Variants in LDB2 observed in about 807,000 individuals in gnomAD.
The protein encoded by LDB2 is LIM domain binding 2, also known as LIM domain-binding protein 2.
Under a neutral mutation model 44.3 loss-of-function variants are expected in LDB2, and 12 were observed. The ratio of observed to expected loss-of-function variants is 0.27; its 90% confidence interval spans 0.17 to 0.44. The LOEUF (loss-of-function observed/expected upper bound fraction) is 0.44. Among genes scored for constraint, LDB2 ranks in the 20% least tolerant of loss-of-function variants. The pLI is 1.00. For missense variants in LDB2, 344 were observed against 473.5 expected, an observed-to-expected ratio of 0.73 and a Z score of 2.54; for synonymous variants, 164 against 174.8, an observed-to-expected ratio of 0.94 and a Z score of 0.49.
intron 5 of LDB2, among the ~76,000 whole-genome samples, chr4:16,559,579 AC>A (rs902024369): frequency 2.0e-4 from 31 of 152,304 alleles, no homozygotes; most frequent in Admixed American, 1.8e-3. Context: ...GTCCTTAGTG[AC>A]CTACAAAGAG....
At chr4:16,576,882 T>C (rs1005997537) in intron 5 of LDB2, among the ~76,000 whole-genome samples, 77 of 152,272 alleles carry the variant, frequency 5.1e-4, no homozygotes, top group African/African-American at 1.7e-3. Context: ...AGATCATTTG[T>C]CATGACCAAG....
chr4:16,716,518 A>G (rs1444928599), intron 2 of LDB2, among the ~76,000 whole-genome samples: 1 of 152,226 alleles, frequency 6.6e-6, no homozygotes, highest in Non-Finnish European at 1.5e-5. Flanking sequence ...GCTTTAGTAT[A>G]TGAGGCCTTA....
intron 1 of LDB2, among the ~76,000 whole-genome samples, chr4:16,762,587 C>T (rs1017753287): frequency 2.0e-5 from 3 of 152,210 alleles, no homozygotes; most frequent in East Asian, 1.9e-4. Flanking sequence ...TGAGAACTAA[C>T]GCACTATCAC....
chr4:16,897,186 T>A (rs577302720), intron 1 of LDB2, among the ~76,000 whole-genome samples: 2 of 152,316 alleles, frequency 1.3e-5, no homozygotes, highest in East Asian at 3.9e-4. Flanking sequence ...CTGTGTTTTA[T>A]CCCATAGCAC....
chr4:16,626,546 G>A (rs989213061), intron 2 of LDB2, among the ~76,000 whole-genome samples: 1 of 152,096 alleles, frequency 6.6e-6, no homozygotes, highest in Admixed American at 6.5e-5. Flanking sequence ...AATCTAGCCA[G>A]GTTCTCACAG....
intron 2 of LDB2, among the ~76,000 whole-genome samples, chr4:16,722,860 C>T (rs1212998639): frequency 2.0e-5 from 3 of 152,132 alleles, no homozygotes; most frequent in Admixed American, 6.6e-5. Context: ...AGACAGTCCT[C>T]ACCTTATGAT....
chr4:16,564,632 T>C (rs1293414363), intron 5 of LDB2, among the ~76,000 whole-genome samples: 1 of 152,228 alleles, frequency 6.6e-6, no homozygotes, highest in Non-Finnish European at 1.5e-5. Context: ...GGGATCTTTC[T>C]TTCAACAGCT....
chr4:16,819,055 G>T (rs551457679), intron 1 of LDB2, among the ~76,000 whole-genome samples: 2 of 151,954 alleles, frequency 1.3e-5, no homozygotes, highest in South Asian at 4.2e-4. Context: ...GAAAGAATGA[G>T]TACTGCTTGT....
At chr4:16,528,863 C>A (rs1729150582) in intron 5 of LDB2, among the ~76,000 whole-genome samples, 1 of 152,174 alleles carries the variant, frequency 6.6e-6, no homozygotes, top group East Asian at 1.9e-4. Context: ...CATTCTGGAA[C>A]TCAGCAAGAG....
intron 1 of LDB2, among the ~76,000 whole-genome samples, chr4:16,897,909 T>TATATATATATATATATATATACAC (rs1725596707): frequency 1.3e-4 from 2 of 14,848 alleles, no homozygotes; most frequent in African/African-American, 7.2e-4. Context: ...TATATATATA[T>TATATATATATATATATATATACAC]ATATATATAT....
chr4:16,802,387 C>T (rs1225818620), intron 1 of LDB2, among the ~76,000 whole-genome samples: 1 of 152,288 alleles, frequency 6.6e-6, no homozygotes, highest in African/African-American at 2.4e-5. Flanking sequence ...AGAGGCCAAA[C>T]AAGCAGCCTG....
chr4:16,597,354 A>T (rs1174647457), intron 2 of LDB2, among the ~76,000 whole-genome samples: 1 of 152,144 alleles, frequency 6.6e-6, no homozygotes, highest in African/African-American at 2.4e-5. Context: ...ATCTTTCTAC[A>T]TACATTTTCT....
chr4:16,762,921 C>T (rs108720), intron 1 of LDB2, among the ~76,000 whole-genome samples: 115,250 of 152,064 alleles, frequency 0.76, 46,169 homozygotes, highest in Non-Finnish European at 0.91. Flanking sequence ...TACATACATA[C>T]GTGAGTTTTG....
At chr4:16,789,263 C>A (rs1179190509) in intron 1 of LDB2, among the ~76,000 whole-genome samples, 1 of 152,104 alleles carries the variant, frequency 6.6e-6, no homozygotes, top group East Asian at 1.9e-4. Context: ...GGGGTTCTGC[C>A]TAAAGTGTCT....
chr4:16,768,644 G>C (rs1486019639), intron 1 of LDB2, among the ~76,000 whole-genome samples: 4 of 152,126 alleles, frequency 2.6e-5, no homozygotes, highest in Non-Finnish European at 4.4e-5. Context: ...TTCCAAGACT[G>C]TAACTGTGTT....
intron 1 of LDB2, among the ~76,000 whole-genome samples, chr4:16,861,192 G>A (rs796951087): frequency 3.5e-4 from 54 of 152,150 alleles, no homozygotes; most frequent in African/African-American, 1.3e-3. Flanking sequence ...TCAAGCACAG[G>A]CTTACCAAAC....
intron 1 of LDB2, among the ~76,000 whole-genome samples, chr4:16,839,651 G>A (rs2110099921): frequency 1.3e-5 from 2 of 151,708 alleles, no homozygotes; most frequent in East Asian, 4.1e-4. Context: ...ATTTGCCCAA[G>A]AGGATGGGCA....
intron 7 of LDB2, among the ~76,000 whole-genome samples, chr4:16,503,899 A>G (rs1430168507): frequency 1.3e-5 from 2 of 152,190 alleles, no homozygotes; most frequent in Non-Finnish European, 2.9e-5. Context: ...GAATGCATAC[A>G]CAGGGCAGAG....
At chr4:16,822,898 T>G (rs1344656278) in intron 1 of LDB2, among the ~76,000 whole-genome samples, 1 of 152,208 alleles carries the variant, frequency 6.6e-6, no homozygotes, top group Admixed American at 6.5e-5. Flanking sequence ...TGTCTATTAG[T>G]ATTCTTAATA....
Sources: gnomAD v4.1 joint callset for allele counts (sites outside exome capture counted in the v4.1 genomes callset) on GRCh38, gnomAD v4.1.1 for gene constraint, MANE v1.5 for transcripts, NCBI Gene and HGNC (gene_info 2026-07-23, HGNC 2026-07-21) for gene names.